Variants in TMEM178B observed in about 807,000 individuals in gnomAD.
The protein encoded by TMEM178B is transmembrane protein 178B.
In TMEM178B, 5 loss-of-function variants were observed where a neutral mutation model predicts 31.0. The observed-to-expected ratio is 0.16, with a 90% CI of 0.08 to 0.34. TMEM178B has a LOEUF of 0.34. Among genes scored for constraint, TMEM178B ranks in the 10% least tolerant of loss-of-function variants. The probability of loss-of-function intolerance (pLI) is 1.00; values close to 1 mark genes in which losing one functional copy is unlikely to be tolerated. For synonymous variants in TMEM178B, 164 were observed against 164.0 expected, an observed-to-expected ratio of 1.00 and a Z score of 0.00; for missense variants, 275 against 400.3, an observed-to-expected ratio of 0.69 and a Z score of 2.67.
chr7:141,495,319 G>A, the TMEM178B span, among the ~76,000 whole-genome samples: 14 of 152,214 alleles, frequency 9.2e-5, no homozygotes, highest in African/African-American at 3.4e-4. Context: ...TCTGAGGAAA[G>A]CACAACCGTG....
chr7:141,455,152 C>G (rs1017360029), intron 3 of TMEM178B, among the ~76,000 whole-genome samples: 1 of 152,168 alleles, frequency 6.6e-6, no homozygotes, highest in Non-Finnish European at 1.5e-5. Flanking sequence ...GATTCATTTC[C>G]TTTCTTGACC....
chr7:141,389,086 G>C (rs1485580667), intron 2 of TMEM178B, among the ~76,000 whole-genome samples: 1 of 151,948 alleles, frequency 6.6e-6, no homozygotes, highest in East Asian at 1.9e-4. Context: ...GGGCCTTTTT[G>C]GGTTTCTTTA....
At chr7:141,085,588 T>A (rs1423853252) in intron 1 of TMEM178B, among the ~76,000 whole-genome samples, 1 of 151,524 alleles carries the variant, frequency 6.6e-6, no homozygotes, top group Non-Finnish European at 1.5e-5. Flanking sequence ...TTCTATATTC[T>A]GGAGCTCACT....
intron 2 of TMEM178B, among the ~76,000 whole-genome samples, chr7:141,220,979 T>A (rs558180463): frequency 1.7e-4 from 26 of 152,340 alleles, no homozygotes; most frequent in Non-Finnish European, 2.8e-4. Flanking sequence ...AAATTACTTG[T>A]TGCTTAATGT....
At chr7:141,258,002 T>G (rs912538811) in intron 2 of TMEM178B, among the ~76,000 whole-genome samples, 3 of 151,836 alleles carry the variant, frequency 2.0e-5, no homozygotes, top group Non-Finnish European at 2.9e-5. Context: ...TTCCCTGTAT[T>G]TTATTGTGTT....
chr7:141,096,960 C>T (rs1002887461), intron 1 of TMEM178B, among the ~76,000 whole-genome samples: 6 of 151,912 alleles, frequency 3.9e-5, no homozygotes, highest in African/African-American at 1.2e-4. Context: ...CATGGTGGCA[C>T]GTGCCTGTAG....
intron 1 of TMEM178B, among the ~76,000 whole-genome samples, chr7:141,211,843 T>C (rs1029886186): frequency 3.9e-5 from 6 of 152,184 alleles, no homozygotes; most frequent in African/African-American, 1.4e-4. Flanking sequence ...TACTTCCTAG[T>C]TTGACTCAGT....
chr7:141,383,577 CATGGTGTAT>C (rs1344314327), intron 2 of TMEM178B, among the ~76,000 whole-genome samples: 10 of 152,240 alleles, frequency 6.6e-5, no homozygotes, highest in African/African-American at 2.4e-4. Flanking sequence ...CATAGTATTC[CATGGTGTAT>C]ATGTGCCACA....
chr7:141,508,494 G>T, the TMEM178B span, among the ~76,000 whole-genome samples: 4 of 152,104 alleles, frequency 2.6e-5, no homozygotes, highest in South Asian at 4.2e-4. Context: ...CACATTTTCG[G>T]GTATCTTTTC....
chr7:141,417,840 G>T (rs1558210), intron 2 of TMEM178B, among the ~76,000 whole-genome samples: 2 of 151,760 alleles, frequency 1.3e-5, no homozygotes, highest in African/African-American at 4.8e-5. Flanking sequence ...TAACAATCTT[G>T]TGAGATAGGT....
intron 2 of TMEM178B, among the ~76,000 whole-genome samples, chr7:141,294,831 A>G (rs924073416): frequency 1.3e-5 from 2 of 152,226 alleles, no homozygotes; most frequent in East Asian, 3.8e-4. Context: ...AATCTCTTGT[A>G]GAAGCCCCTG....
intron 2 of TMEM178B, among the ~76,000 whole-genome samples, chr7:141,272,334 G>A (rs1449747230): frequency 1.3e-5 from 2 of 152,144 alleles, no homozygotes; most frequent in Admixed American, 6.5e-5. Context: ...AATTGATATC[G>A]TGCAAAGCAA....
chr7:141,504,477 T>C, the TMEM178B span, among the ~76,000 whole-genome samples: 1 of 152,222 alleles, frequency 6.6e-6, no homozygotes, highest in Non-Finnish European at 1.5e-5. Flanking sequence ...AAACTTGAAG[T>C]CAGGTAAATA....
chr7:141,396,495 C>T lies in TMEM178B; in HGVS notation c.497-41113C>T, dbSNP rs183577063. ...AGCCAGAATGACCTTCAGGGCTCAA[C>T]GGGTCTGGGCCTCTCATACTGCAGA... On this transcript the variant is annotated intron_variant, in intron 2 of 3. Transcript: ENST00000565468. 4.6e-3 allele frequency among the ~76,000 whole-genome samples: 691 copies of T among 151,622 alleles called. 2 individuals carry two copies. The highest frequency in any genetic ancestry group is 0.016 in the African/African-American group (667 of 41,286).
Position 141,233,613 on chromosome 7 carries a change from GA to G in TMEM178B, c.496+20911del, listed in dbSNP as rs1797481764. On this transcript the variant is annotated intron_variant, in intron 2 of 3. Transcript: ENST00000565468. ...CCACTGGGGTATGTGTTTTGTGAGG[GA>G]AGAGTCTTAGGTCCCTTGTAGCACA... 2.0e-5 allele frequency among the ~76,000 whole-genome samples: 3 copies of G among 152,182 alleles called. No homozygotes were observed. The South Asian group carries it at 6.2e-4, about 32-fold the overall frequency.
chr7:141,389,881 A>AG (rs1348212532), intron 2 of TMEM178B, among the ~76,000 whole-genome samples: 1 of 152,162 alleles, frequency 6.6e-6, no homozygotes, highest in East Asian at 1.9e-4. Context: ...AGCACCTCGA[A>AG]GGTCTGCCTG....
chr7:141,228,158 T>C (rs1797376629), intron 2 of TMEM178B, among the ~76,000 whole-genome samples: 1 of 152,206 alleles, frequency 6.6e-6, no homozygotes, highest in Non-Finnish European at 1.5e-5. Flanking sequence ...ATCATTTTTA[T>C]TGTGTTATTT....
intron 2 of TMEM178B, among the ~76,000 whole-genome samples, chr7:141,253,118 G>T (rs1027777630): frequency 1.3e-5 from 2 of 152,234 alleles, no homozygotes; most frequent in African/African-American, 2.4e-5. Context: ...CTCTTCCACA[G>T]TTTTGGCTCC....
chr7:141,199,892 A>C (rs887565539), intron 1 of TMEM178B, among the ~76,000 whole-genome samples: 1 of 152,188 alleles, frequency 6.6e-6, no homozygotes, highest in African/African-American at 2.4e-5. Flanking sequence ...TCTACTAAAA[A>C]TACAAAAAAT....
Sources: gnomAD v4.1 joint callset for allele counts (sites outside exome capture counted in the v4.1 genomes callset) on GRCh38, gnomAD v4.1.1 for gene constraint, MANE v1.5 for transcripts, NCBI Gene and HGNC (gene_info 2026-07-23, HGNC 2026-07-21) for gene names.